RUNX1: variants seen among roughly 807,000 people sequenced by gnomAD.
RUNX1 encodes the protein runt-related transcription factor 1.
In RUNX1, 19 loss-of-function variants were observed where a neutral mutation model predicts 42.8. The ratio of observed to expected loss-of-function variants is 0.44; its 90% confidence interval spans 0.31 to 0.65. RUNX1 has a LOEUF of 0.65. Among genes scored for constraint, RUNX1 ranks in the 30% least tolerant of loss-of-function variants. The probability of loss-of-function intolerance (pLI) is 0.07; values close to 1 mark genes in which losing one functional copy is unlikely to be tolerated. For synonymous variants in RUNX1, 271 were observed against 289.4 expected (o/e 0.94, Z 0.64); for missense variants, 528 against 672.0 (o/e 0.79, Z 2.37).
chr21:34,885,120 T>C (rs2057961138), intron 4 of RUNX1, among the ~76,000 whole-genome samples: 1 of 152,180 alleles, frequency 6.6e-6, no homozygotes, highest in Non-Finnish European at 1.5e-5. Context: ...TATTTGAGTG[T>C]GGGTTCCCTG....
intron 2 of RUNX1, among the ~76,000 whole-genome samples, chr21:34,916,600 G>A (rs2058314045): frequency 6.6e-6 from 1 of 152,170 alleles, no homozygotes; most frequent in African/African-American, 2.4e-5. Context: ...CGGAGGAGGA[G>A]ATGATGACTA....
At chr21:34,967,538 G>A (rs532712748) in intron 2 of RUNX1, among the ~76,000 whole-genome samples, 4 of 151,886 alleles carry the variant, frequency 2.6e-5, no homozygotes, top group Non-Finnish European at 5.9e-5. Flanking sequence ...GCATGCACAG[G>A]GTGTCTAAGA....
chr21:34,819,700 T>C (rs1019047173), intron 7 of RUNX1, among the ~76,000 whole-genome samples: 14 of 152,192 alleles, frequency 9.2e-5, no homozygotes, highest in Non-Finnish European at 1.3e-4. Context: ...TTGGGAGCAA[T>C]TGGCATGAAG....
At position 34,792,110 on chromosome 21, in the gene RUNX1, G is replaced by A; in HGVS notation, c.*25C>T. 3.0e-6 allele frequency: 4 copies of A among 1,350,830 alleles called. No homozygotes were observed. The highest frequency in any genetic ancestry group is 3.8e-6 in the Non-Finnish European group (4 of 1,056,114). The allele number at this position is 1,350,830 out of a possible 1,614,324, so 83.7% of individuals were successfully genotyped here. A position where few individuals can be genotyped will look rare whatever the true frequency, so the allele number is the denominator to read the frequency against. On this transcript the variant is annotated 3_prime_UTR_variant, in exon 9 of 9. Transcript: ENST00000675419. This position sits in a 1 kb window ranked among gnomAD's most constrained non-coding sequence, Gnocchi z 6.9. ...GGAGGCGAAGGCGGCGGCCCGCGGGGCCCAGCCGGGCCAGGCCTGGCGCCT... is the reference window on the plus strand; with the variant it reads ...GGAGGCGAAGGCGGCGGCCCGCGGGACCCAGCCGGGCCAGGCCTGGCGCCT...
chr21:35,048,839 C>CA lies in RUNX1; in HGVS notation c.58+2dup. 6.2e-7 allele frequency: 1 copy of CA among 1,612,396 alleles called. No homozygotes were observed. Among genetic ancestry groups the CA allele is most frequent in the Non-Finnish European group, 8.5e-7 (1 of 1,178,482 alleles). The stretch of plus-strand genomic sequence containing the variant: ...AGATATTACAAGACCAGCATGTACT[C>CA]ACCTCTCATGAAGCACTGTGGGTAC... On this transcript the variant is annotated splice_region_variant and intron_variant, in intron 2 of 8. Transcript: ENST00000675419.
chr21:34,834,279 G>T, intron 7 of RUNX1, 131 bp downstream of exon 7: 1 of 945,538 alleles, frequency 1.1e-6, no homozygotes, highest in Non-Finnish European at 1.7e-6. Context: ...GGTGCTGTTG[G>T]TTCGAGGCCT....
At chr21:34,795,347 G>T (rs754253160) in intron 8 of RUNX1, among the ~76,000 whole-genome samples, 2 of 152,000 alleles carry the variant, frequency 1.3e-5, no homozygotes, top group African/African-American at 4.8e-5. Context: ...TCTCTCGCTC[G>T]CTCTCTCGTC....
chr21:34,804,065 C>A (rs1330616332), intron 7 of RUNX1, among the ~76,000 whole-genome samples: 3 of 152,212 alleles, frequency 2.0e-5, no homozygotes, highest in Non-Finnish European at 4.4e-5. Context: ...GGGCAAACTG[C>A]AACCCCAAAT....
intron 6 of RUNX1, among the ~76,000 whole-genome samples, chr21:34,850,606 G>A (rs190105502): frequency 3.3e-5 from 5 of 152,248 alleles, no homozygotes; most frequent in African/African-American, 4.8e-5. Context: ...TCACCCACAC[G>A]TGACTTTTCT....
At chr21:34,847,735 A>C (rs1378156095) in intron 6 of RUNX1, among the ~76,000 whole-genome samples, 1 of 152,192 alleles carries the variant, frequency 6.6e-6, no homozygotes, top group Non-Finnish European at 1.5e-5. Context: ...CTTTAATTGG[A>C]AAAAGATCAC....
At chr21:34,833,342 G>T (rs2057092822) in intron 7 of RUNX1, 1 of 152,184 alleles carries the variant, frequency 6.6e-6, no homozygotes, top group South Asian at 2.1e-4. Flanking sequence ...CTGACCTCGT[G>T]ATCCGCCCGC....
intron 2 of RUNX1, among the ~76,000 whole-genome samples, chr21:34,945,928 A>C (rs1334307655): frequency 2.0e-5 from 3 of 152,200 alleles, no homozygotes; most frequent in Non-Finnish European, 2.9e-5. Flanking sequence ...TGGGAACTCA[A>C]CATATCCCAA....
chr21:34,984,549 G>A (rs774224175), intron 2 of RUNX1, among the ~76,000 whole-genome samples: 27 of 152,272 alleles, frequency 1.8e-4, no homozygotes, highest in Non-Finnish European at 2.8e-4. Flanking sequence ...AGGAAGTGGT[G>A]GCAAAAGGAA....
In RUNX1 at chr21:34,867,213, T is replaced by C. The variant is rs2057674794; in HGVS notation, c.509-7635A>G. ...GGAGTTCAAGACCAGTCTGGGCAGC[T>C]TGGTGAAACCCCATTGCTACCAAAA... On this transcript the variant is annotated intron_variant, in intron 5 of 8. Coordinates refer to ENST00000675419, the MANE Select transcript of RUNX1 (RefSeq NM_001754.5). 2.0e-5 allele frequency among the ~76,000 whole-genome samples: 3 copies of C among 151,924 alleles called. No homozygotes were observed. In the South Asian group the frequency reaches 6.2e-4, roughly 32 times the overall value.
chr21:34,852,962 G>A (rs904838197), intron 6 of RUNX1, among the ~76,000 whole-genome samples: 2 of 152,208 alleles, frequency 1.3e-5, no homozygotes, highest in Non-Finnish European at 2.9e-5. Flanking sequence ...CAAGAGCAAA[G>A]AGTGACACAT....
At chr21:34,970,546 T>A (rs1190830704) in intron 2 of RUNX1, among the ~76,000 whole-genome samples, 1 of 152,170 alleles carries the variant, frequency 6.6e-6, no homozygotes, top group Non-Finnish European at 1.5e-5. Context: ...TTCAGAAAAA[T>A]CCTTCAGTGT....
rs533489669 is a variant in RUNX1 at position 35,029,755 on chromosome 21, A to G, written c.58+19087T>C. ...CGTCTTGGGCTTCTGGCATGGTTCT[A>G]TTGGTCACCTGGCACCCTCCTCACC... On this transcript the variant is annotated intron_variant, in intron 2 of 8. Transcript: ENST00000675419. Among the ~76,000 whole-genome samples, 8 of 152,034 alleles carry G rather than the reference A, an allele frequency of 5.3e-5. No homozygotes were observed. In the East Asian group the frequency reaches 7.8e-4, roughly 15 times the overall value.
At chr21:34,816,046 C>A (rs542705662) in intron 7 of RUNX1, among the ~76,000 whole-genome samples, 6 of 152,174 alleles carry the variant, frequency 3.9e-5, no homozygotes, top group African/African-American at 1.4e-4. Context: ...AGGCTCTCCC[C>A]CCAGGTTCCC....
chr21:35,020,825 T>A (rs1439156288), intron 2 of RUNX1, among the ~76,000 whole-genome samples: 1 of 152,238 alleles, frequency 6.6e-6, no homozygotes, highest in East Asian at 1.9e-4. Context: ...GTGTCTCATT[T>A]ATAAAATGTA....
Sources: allele counts gnomAD v4.1 joint callset (sites outside exome capture counted in the v4.1 genomes callset), GRCh38; gene constraint gnomAD v4.1.1; non-coding constraint Gnocchi (gnomAD v3.1); transcripts MANE v1.5; gene names NCBI Gene and HGNC (gene_info 2026-07-23, HGNC 2026-07-21).